SEC31A: variants seen among roughly 807,000 people sequenced by gnomAD.
The protein encoded by SEC31A is protein transport protein Sec31A.
Under a neutral mutation model 151.0 loss-of-function variants are expected in SEC31A, and 70 were observed. The ratio of observed to expected loss-of-function variants is 0.46; its 90% CI spans 0.38 to 0.57. The LOEUF (loss-of-function observed/expected upper bound fraction) is 0.57. Ranked by LOEUF, SEC31A falls within the 20% of genes least tolerant of loss-of-function variation. The pLI is 0.00. For synonymous variants in SEC31A, 475 were observed against 505.9 expected (o/e 0.94, Z 0.82); for missense variants, 1,330 against 1,471.2 (o/e 0.90, Z 1.57).
intron 5 of SEC31A, among the ~76,000 whole-genome samples, chr4:82,875,511 A>G (rs1426683010): frequency 2.6e-5 from 4 of 152,230 alleles, no homozygotes; most frequent in African/African-American, 9.6e-5. Flanking sequence ...AGTGTCTACC[A>G]GGTGGTAGGT....
chr4:82,819,098 G>C lies in SEC31A; in HGVS notation c.3639C>G (p.Thr1213=). The C allele has an allele frequency of 6.2e-7, 1 of 1,609,620 alleles. No homozygotes were observed. Residue 1213 remains threonine, a synonymous_variant, in exon 27 of 27, where the codon ACC becomes ACG. Coordinates refer to ENST00000395310, the MANE Select transcript of SEC31A (RefSeq NM_001077207.4). ...AFMPVLKVVL[T]QANKLGV ...TTTAGACACCCAGCTTATTGGCCTG[G>C]GTGAGAACAACTTTGAGAACTGGCA...
At chr4:82,873,540 T>G (rs1262815937) in intron 6 of SEC31A, among the ~76,000 whole-genome samples, 4 of 152,212 alleles carry the variant, frequency 2.6e-5, no homozygotes, top group Non-Finnish European at 5.9e-5. Flanking sequence ...CTATTAAATA[T>G]TCCACAAAAT....
At chr4:82,843,425 C>A (rs1290732786) in intron 21 of SEC31A, among the ~76,000 whole-genome samples, 1 of 152,178 alleles carries the variant, frequency 6.6e-6, no homozygotes, top group Non-Finnish European at 1.5e-5. Flanking sequence ...AGGCATGAAC[C>A]ACCATGCGTG....
chr4:82,856,620 G>A (rs979945978), intron 16 of SEC31A, among the ~76,000 whole-genome samples: 1 of 151,808 alleles, frequency 6.6e-6, no homozygotes, highest in Non-Finnish European at 1.5e-5. Flanking sequence ...GCATGGTGGC[G>A]GACGCCTGTA....
chr4:82,888,371 A>AC (rs1225370327), intron 1 of SEC31A, among the ~76,000 whole-genome samples: 12 of 2,352 alleles, frequency 5.1e-3, no homozygotes, highest in African/African-American at 0.01. Flanking sequence ...AAAAAAAAAA[A>AC]AACACACAAA....
chr4:82,888,385 C>CATAT (rs773097915), intron 1 of SEC31A, among the ~76,000 whole-genome samples: 2 of 122,512 alleles, frequency 1.6e-5, no homozygotes, highest in East Asian at 5.4e-4. Context: ...ACACAAAAAA[C>CATAT]ATATATATAT....
intron 16 of SEC31A, 133 bp from the exon 17 acceptor site, chr4:82,855,162 G>A (rs1732354265): frequency 7.1e-6 from 5 of 709,002 alleles, no homozygotes; most frequent in Non-Finnish European, 8.9e-6. Flanking sequence ...TGAATCAAAT[G>A]ACATAATAAT....
intron 22 of SEC31A, 175 bp from the exon 23 acceptor site, chr4:82,829,233 C>G (rs1185873672): frequency 3.6e-6 from 2 of 561,402 alleles, no homozygotes; most frequent in Non-Finnish European, 6.4e-6. Context: ...ACACTCACAT[C>G]TCTTAATAGG....
At chr4:82,874,460 A>G in intron 6 of SEC31A, 151 bp downstream of exon 6, 6 of 706,236 alleles carry the variant, frequency 8.5e-6, no homozygotes, top group Non-Finnish European at 1.3e-5. Flanking sequence ...TAGAGGAAAA[A>G]AAACAAAACA....
chr4:82,833,099 T>A (rs1726350371), intron 22 of SEC31A, among the ~76,000 whole-genome samples: 1 of 152,182 alleles, frequency 6.6e-6, no homozygotes, highest in Admixed American at 6.5e-5. Context: ...TAAAGACACA[T>A]GCACACGTGT....
At chr4:82,893,396 T>A (rs1033169521), upstream of SEC31A, 1 of 152,176 alleles carries the variant, frequency 6.6e-6, no homozygotes, top group African/African-American at 2.4e-5. Context: ...TCAGATCCCT[T>A]CCCCTCATTT....
intron 14 of SEC31A, among the ~76,000 whole-genome samples, chr4:82,858,849 C>T (rs1025143206): frequency 5.9e-5 from 9 of 151,492 alleles, no homozygotes; most frequent in Non-Finnish European, 1.0e-4. Context: ...ACTACAGGTG[C>T]CCACCACCAT....
Position 82,857,698 on chromosome 4 carries a change from C to CA in SEC31A, c.1692dup (p.Val565CysfsTer6). On this transcript the variant is annotated frameshift_variant, in exon 15 of 27. Transcript: ENST00000395310. LOFTEE classifies it high-confidence loss of function. ...ACCAACAAGTACTTACCCCCACTGA[C>CA]AGAGATATTAAATGTTCCTCCAGAT... 6.3e-7 allele frequency: 1 copy of CA among 1,585,742 alleles called. No homozygotes were observed. Among genetic ancestry groups the CA allele is most frequent in the Non-Finnish European group, 8.7e-7 (1 of 1,155,062 alleles).
intron 23 of SEC31A, 144 bp downstream of exon 23, chr4:82,828,856 G>C: frequency 1.8e-6 from 1 of 558,568 alleles, no homozygotes; most frequent in Non-Finnish European, 3.3e-6. Context: ...CCATGGATTA[G>C]AAGGTGCATG....
At chr4:82,828,672 T>TAAA (rs1725172438) in intron 23 of SEC31A, among the ~76,000 whole-genome samples, 1 of 5,042 alleles carries the variant, frequency 2.0e-4, no homozygotes, top group Non-Finnish European at 4.5e-4. Context: ...CCAAAGTAAC[T>TAAA]CAAAAAAAAA....
At chr4:82,863,802 T>C (rs1464420017) in intron 11 of SEC31A, among the ~76,000 whole-genome samples, 4 of 152,184 alleles carry the variant, frequency 2.6e-5, no homozygotes, top group Non-Finnish European at 5.9e-5. Context: ...AAAATATAAA[T>C]TCTTTAATTT....
At chr4:82,880,762 T>G (rs1442270517) in intron 3 of SEC31A, 37 bp downstream of exon 3, 1 of 1,560,320 alleles carries the variant, frequency 6.4e-7, no homozygotes, top group East Asian at 2.3e-5. Flanking sequence ...CAATATATAA[T>G]TAAATAATCA....
In SEC31A at chr4:82,832,976, C is replaced by T. The variant is rs532631971; in HGVS notation, c.2969-3918G>A. Among the ~76,000 whole-genome samples the T allele has an allele frequency of 6.6e-5, 10 of 152,284 alleles. No individual in the cohort carries two copies. The South Asian group carries it at 2.1e-3, about 32-fold the overall frequency. On this transcript the variant is annotated intron_variant, in intron 22 of 26. Coordinates refer to ENST00000395310, the MANE Select transcript of SEC31A (RefSeq NM_001077207.4). ...TTGGTGGGAGTGTAAATTAGTTCAACCATTGTGGAAGACAGTGTGGCGATT... is the reference window on the plus strand; with the variant it reads ...TTGGTGGGAGTGTAAATTAGTTCAATCATTGTGGAAGACAGTGTGGCGATT...
At chr4:82,862,635 T>C (rs1474924561) in intron 12 of SEC31A, 63 bp from the exon 13 acceptor site, 2 of 1,404,600 alleles carry the variant, frequency 1.4e-6, no homozygotes, top group African/African-American at 2.8e-5. Context: ...CCAGCAAATG[T>C]TCACCTCTTG....
Sources: allele counts gnomAD v4.1 joint callset (sites outside exome capture counted in the v4.1 genomes callset), GRCh38; gene constraint gnomAD v4.1.1; transcripts MANE v1.5; gene names NCBI Gene and HGNC (gene_info 2026-07-23, HGNC 2026-07-21).